The following HEATR1 variants were observed in gnomAD, a reference collection of about 807,000 sequenced individuals.
The protein encoded by HEATR1 is HEAT repeat containing 1.
In HEATR1, 77 loss-of-function variants were observed where a neutral mutation model predicts 248.2. The observed-to-expected ratio is 0.31, with a 90% CI of 0.26 to 0.37. The LOEUF (loss-of-function observed/expected upper bound fraction) is 0.37, where lower values mean the gene tolerates loss of function less well. Among genes scored for constraint, HEATR1 ranks in the 10% least tolerant of loss-of-function variants. The pLI is 1.00. For synonymous variants in HEATR1, 897 were observed against 923.1 expected (o/e 0.97, Z 0.51); for missense variants, 2,420 against 2,504.9 (o/e 0.97, Z 0.72).
intron 44 of HEATR1, chr1:236,551,270 C>T (rs1308444753): frequency 4.9e-6 from 2 of 409,386 alleles, no homozygotes; most frequent in Admixed American, 4.2e-5. Context: ...CTCACACCTC[C>T]CCCCTCCAAG....
chr1:236,568,695 T>TAAGACACTTACA, intron 29 of HEATR1, among the ~76,000 whole-genome samples: 1 of 152,256 alleles, frequency 6.6e-6, no homozygotes, highest in East Asian at 1.9e-4. Flanking sequence ...GATGTCAATT[T>TAAGACACTTACA]ACCCCACCCG....
In HEATR1 at chr1:236,585,203, A is replaced by C. The variant is rs1261387910; in HGVS notation, c.2063T>G (p.Ile688Arg). 2.8e-5 allele frequency: 45 copies of C among 1,609,248 alleles called. No homozygotes were observed. The highest frequency in any genetic ancestry group is 3.7e-5 in the Non-Finnish European group (44 of 1,178,624). ...AAAGGACTCCTCCTCACCCACGCTT[A>C]TTAAATCCTCCACCTTGAAAAATAA... ...SSMLKMVEDLISVGEEESFNL... is the reference protein window; with the variant it reads ...SSMLKMVEDLRSVGEEESFNL... The change falls in exon 17 of 45, where the codon ATA becomes AGA. Residue 688 changes from isoleucine to arginine, a missense_variant. Coordinates refer to ENST00000366582, the MANE Select transcript of HEATR1 (RefSeq NM_018072.6).
chr1:236,563,433 C>T (rs575755073), intron 32 of HEATR1, among the ~76,000 whole-genome samples: 1 of 152,188 alleles, frequency 6.6e-6, no homozygotes, highest in South Asian at 2.1e-4. Context: ...AGGCGCCCAC[C>T]ACCACGCCCG....
chr1:236,602,922 CAAA>C (rs948208586), intron 3 of HEATR1: 4 of 421,968 alleles, frequency 9.5e-6, no homozygotes, highest in Non-Finnish European at 1.7e-5. Context: ...GACTCTATCT[CAAA>C]AAAAAACTAA....
chr1:236,603,718 G>T (rs74146331), intron 2 of HEATR1, among the ~76,000 whole-genome samples: 9 of 149,704 alleles, frequency 6.0e-5, no homozygotes, highest in Admixed American at 6.7e-5. Flanking sequence ...CATATTAGTT[G>T]ACCTCTCTAA....
rs763010853 is a variant in HEATR1 at position 236,586,379 on chromosome 1, T to C, written c.1789A>G (p.Asn597Asp). The C allele has an allele frequency of 1.2e-5, 20 of 1,613,268 alleles. No individual in the cohort carries two copies. Among genetic ancestry groups the C allele is most frequent in the Non-Finnish European group, 1.3e-5 (15 of 1,179,426 alleles). Residue 597 changes from asparagine (N) to aspartate (D), a missense_variant, in exon 15 of 45, where the codon AAT becomes GAT. Transcript: ENST00000366582. ...EILSENDQLSNQVVVCLLPFM... is the reference protein window; with the variant it reads ...EILSENDQLSDQVVVCLLPFM... The stretch of plus-strand genomic sequence containing the variant: ...GGCAGCAAACATACAACCACCTGAT[T>C]TGACAACTGATCATTTTCACTCAGT...
Position 236,559,757 on chromosome 1 carries a change from A to T in HEATR1, c.4727T>A (p.Phe1576Tyr). 1 of 1,614,120 alleles carries T rather than the reference A, an allele frequency of 6.2e-7. No individual in the cohort carries two copies. The highest frequency in any genetic ancestry group is 8.5e-7 in the Non-Finnish European group (1 of 1,179,984). ...ERNADKLTVKFWRALLSKAYD... is the reference protein window; with the variant it reads ...ERNADKLTVKYWRALLSKAYD... Reference sequence around the variant, plus strand: ...AGCTTTACTAAGGAGCGCGCGCCAGAACTTCACGGTGAGTTTGTCTGCGTT... The same window carrying T: ...AGCTTTACTAAGGAGCGCGCGCCAGTACTTCACGGTGAGTTTGTCTGCGTT... Residue 1576 changes from phenylalanine to tyrosine, a missense_variant, in exon 34 of 45, where the codon TTC becomes TAC. Coordinates refer to ENST00000366582, the MANE Select transcript of HEATR1 (RefSeq NM_018072.6).
intron 22 of HEATR1, among the ~76,000 whole-genome samples, chr1:236,575,156 T>C (rs1290102100): frequency 3.9e-5 from 6 of 152,208 alleles, no homozygotes; most frequent in Admixed American, 3.9e-4. Context: ...TCTGTGAGCA[T>C]TCCTCAAGAC....
chr1:236,582,300 G>A lies in HEATR1; in HGVS notation c.2562+436C>T, dbSNP rs570689041. 5.9e-5 allele frequency among the ~76,000 whole-genome samples: 9 copies of A among 151,974 alleles called. No individual in the cohort carries two copies. In the South Asian group the frequency reaches 6.2e-4, roughly 11 times the overall value. ...TTTTTGTATTTTTCGTAGAGACGGC[G>A]TTTCACCATGTTAGCCAGGATGGTC... On this transcript the variant is annotated intron_variant, in intron 19 of 44. Transcript: ENST00000366582.
chr1:236,587,644 G>C (rs992645546), intron 13 of HEATR1, among the ~76,000 whole-genome samples, 154 bp from the exon 14 acceptor site: 6 of 151,990 alleles, frequency 3.9e-5, no homozygotes, highest in African/African-American at 1.4e-4. Flanking sequence ...TCTCAAAAGT[G>C]GCATTCATAA....
intron 31 of HEATR1, among the ~76,000 whole-genome samples, chr1:236,565,699 C>T (rs183941680): frequency 1.6e-4 from 24 of 152,254 alleles, no homozygotes; most frequent in Admixed American, 2.6e-4. Flanking sequence ...ACAGCCAAGA[C>T]GTCAGCGCAG....
At position 236,586,363 on chromosome 1, in the gene HEATR1, C is replaced by T. The variant is rs1286114741; in HGVS notation, c.1805G>A (p.Cys602Tyr). 1.2e-6 allele frequency: 2 copies of T among 1,612,834 alleles called. No homozygotes were observed. The highest frequency in any genetic ancestry group is 1.7e-6 in the Non-Finnish European group (2 of 1,178,934). Residue 602 changes from cysteine (C) to tyrosine (Y), a missense_variant, in exon 15 of 45, where the codon TGT (cysteine) becomes TAT (tyrosine). Cys to Tyr is a radical substitution (Grantham distance 194, BLOSUM62 -2). Coordinates refer to ENST00000366582, the MANE Select transcript of HEATR1 (RefSeq NM_018072.6). ...NDQLSNQVVV[C>Y]LLPFMVINND... The stretch of plus-strand genomic sequence containing the variant: ...ATTGATAACCATAAATGGCAGCAAA[C>T]ATACAACCACCTGATTTGACAACTG...
At chr1:236,552,244 T>C (rs1662784076) in intron 43 of HEATR1, 137 bp from the exon 44 acceptor site, 1 of 552,906 alleles carries the variant, frequency 1.8e-6, no homozygotes, top group African/African-American at 1.9e-5. Context: ...TTATGTTCAT[T>C]AAGCTTTCAT....
intron 31 of HEATR1, among the ~76,000 whole-genome samples, chr1:236,565,265 C>T (rs1022155909): frequency 6.6e-6 from 1 of 152,196 alleles, no homozygotes; most frequent in East Asian, 1.9e-4. Context: ...CGTGCCTTGT[C>T]GTTCTGCTTC....
intron 12 of HEATR1, among the ~76,000 whole-genome samples, chr1:236,589,891 C>A (rs1466324306): frequency 2.0e-5 from 3 of 152,126 alleles, no homozygotes; most frequent in Admixed American, 2.0e-4. Flanking sequence ...AATAATGAGT[C>A]CATCTGAAAT....
In HEATR1 at chr1:236,583,091, C is replaced by T. The variant is rs148574750; in HGVS notation, c.2347G>A (p.Val783Met). The T allele has an allele frequency of 7.3e-5, 118 of 1,614,150 alleles. No individual in the cohort carries two copies. Among genetic ancestry groups the T allele is most frequent in the African/African-American group, 9.3e-5 (7 of 75,068 alleles). The stretch of plus-strand genomic sequence containing the variant: ...AATACAAGAAAAACCGAGTCCTCCA[C>T]GGCCACCCTCTGAGTGCTGTTGAGC... ...EELNSTQRVA[V>M]EDSVFLVFSL... The change falls in exon 18 of 45, where the codon GTG (valine) becomes ATG (methionine). Residue 783 changes from valine (V) to methionine (M), a missense_variant. Val to Met is a conservative substitution (Grantham distance 21, BLOSUM62 1). Transcript: ENST00000366582.
chr1:236,570,996 G>A (rs1354243453), intron 28 of HEATR1, among the ~76,000 whole-genome samples: 3 of 152,208 alleles, frequency 2.0e-5, no homozygotes, highest in Non-Finnish European at 4.4e-5. Flanking sequence ...AGGATTACTT[G>A]AGGATAAATG....
rs1185945039 is a variant in HEATR1, at chr1:236,553,568, C to T, written c.6237+13G>A. ...AAAGATGCAGTTTCAGTACTTGTCA[C>T]GCAGTTCCTAACCTTAGGCGAGGAG... is the stretch of plus-strand genomic sequence containing the variant. On this transcript the variant is annotated intron_variant, in intron 43 of 44. Coordinates refer to ENST00000366582, the MANE Select transcript of HEATR1 (RefSeq NM_018072.6). The T allele has an allele frequency of 5.6e-6, 9 of 1,610,660 alleles. No homozygotes were observed. Among genetic ancestry groups the T allele is most frequent in the Non-Finnish European group, 5.1e-6 (6 of 1,178,284 alleles).
At chr1:236,586,150 A>AT in intron 15 of HEATR1, 91 bp downstream of exon 15, 7 of 1,179,394 alleles carry the variant, frequency 5.9e-6, no homozygotes. Flanking sequence ...TTACTGGCAT[A>AT]TAAGCATGAC....
Sources: allele counts gnomAD v4.1 joint callset (sites outside exome capture counted in the v4.1 genomes callset), GRCh38; gene constraint gnomAD v4.1.1; transcripts MANE v1.5; gene names NCBI Gene and HGNC (gene_info 2026-07-23, HGNC 2026-07-21).